The following ETFA variants were observed in gnomAD, a reference collection of about 807,000 sequenced individuals.
ETFA encodes the protein electron transfer flavoprotein subunit alpha, mitochondrial.
ETFA carries 22 observed loss-of-function variants against 46.2 expected under a neutral mutation model. That is an observed-to-expected ratio of 0.48 (90% CI 0.34 to 0.68). ETFA has a LOEUF of 0.68. Among genes scored for constraint, ETFA ranks in the 30% least tolerant of loss-of-function variants. The pLI is 0.01. For missense variants in ETFA, 345 were observed against 401.1 expected, an observed-to-expected ratio of 0.86 and a Z score of 1.19; for synonymous variants, 131 against 139.9, an observed-to-expected ratio of 0.94 and a Z score of 0.45.
intron 10 of ETFA, among the ~76,000 whole-genome samples, chr15:76,226,542 C>A (rs2039006505): frequency 6.6e-6 from 1 of 151,900 alleles, no homozygotes; most frequent in Non-Finnish European, 1.5e-5. Flanking sequence ...AGAGATCACG[C>A]CACTGCACTC....
chr15:76,301,441 T>C (rs980030426), intron 1 of ETFA, among the ~76,000 whole-genome samples: 23 of 152,246 alleles, frequency 1.5e-4, no homozygotes, highest in African/African-American at 5.3e-4. Flanking sequence ...CCAGTCGCAG[T>C]GGCTCACGCC....
At chr15:76,301,804 A>AT (rs2039882609) in intron 1 of ETFA, among the ~76,000 whole-genome samples, 2 of 152,266 alleles carry the variant, frequency 1.3e-5, no homozygotes, top group Admixed American at 1.3e-4. Context: ...GACATATCTG[A>AT]TAAAAGACTT....
rs1184566559 is a variant in ETFA at position 76,231,344 on chromosome 15, T to G, written c.871A>C (p.Lys291Gln). 3 of 1,602,892 alleles carry G rather than the reference T, an allele frequency of 1.9e-6. No individual in the cohort carries two copies. The highest frequency in any genetic ancestry group is 2.6e-6 in the Non-Finnish European group (3 of 1,169,756). Residue 291 changes from lysine to glutamine, a missense_variant, in exon 10 of 12, where the codon AAA becomes CAA. By Grantham distance (53) the Lys-to-Gln change is moderately conservative (BLOSUM62 1). Transcript: ENST00000557943. ...SGAIQHLAGM[K>Q]DSKTIVAINK... ...TGATGTACAATTACCTTGCTGTCTT[T>G]CATCCCAGCTAAATGTTGGATGGCT...
chr15:76,281,445 A>G (rs904341802), intron 8 of ETFA, among the ~76,000 whole-genome samples: 1 of 143,620 alleles, frequency 7.0e-6, no homozygotes, highest in Admixed American at 6.8e-5. Flanking sequence ...TTTTTTTTTG[A>G]GACAGAGTCT....
chr15:76,219,589 T>C (rs1338324147), intron 11 of ETFA, among the ~76,000 whole-genome samples: 3 of 152,242 alleles, frequency 2.0e-5, no homozygotes, highest in African/African-American at 7.2e-5. Flanking sequence ...GATAAGTGTT[T>C]AGTATCCAGA....
intron 9 of ETFA, chr15:76,259,769 C>G: frequency 1.2e-6 from 2 of 1,602,446 alleles, no homozygotes; most frequent in Non-Finnish European, 1.7e-6. Flanking sequence ...GATGAAGTTC[C>G]GAGAGCTCAG....
chr15:76,286,296 C>T (rs998919937), intron 6 of ETFA, 75 bp downstream of exon 6: 3 of 752,850 alleles, frequency 4.0e-6, no homozygotes, highest in Non-Finnish European at 6.8e-6. Context: ...AGGCAGAGGT[C>T]ATCTCTTATT....
intron 9 of ETFA, among the ~76,000 whole-genome samples, chr15:76,233,456 A>G (rs2039091214): frequency 6.8e-6 from 1 of 147,600 alleles, no homozygotes; most frequent in African/African-American, 2.5e-5. Flanking sequence ...CGGCCTCCCG[A>G]GCAGCTGGGA....
chr15:76,240,222 C>G (rs1339317938), intron 9 of ETFA, among the ~76,000 whole-genome samples: 1 of 152,204 alleles, frequency 6.6e-6, no homozygotes, highest in Non-Finnish European at 1.5e-5. Flanking sequence ...GGAAGAAAAG[C>G]AGGGGCCCTT....
At chr15:76,260,401 C>T (rs2039396537) in intron 9 of ETFA, 4 of 1,579,968 alleles carry the variant, frequency 2.5e-6, no homozygotes, top group Non-Finnish European at 3.5e-6. Context: ...GCCGTTAGCA[C>T]ACCAAGGACC....
intron 9 of ETFA, among the ~76,000 whole-genome samples, chr15:76,267,136 T>C (rs540337361): frequency 1.5e-3 from 231 of 152,294 alleles, no homozygotes; most frequent in Non-Finnish European, 2.3e-3. Context: ...CAAGCACAAG[T>C]AGAACGAATT....
At chr15:76,240,072 T>C (rs1230424025) in intron 9 of ETFA, among the ~76,000 whole-genome samples, 1 of 152,248 alleles carries the variant, frequency 6.6e-6, no homozygotes, top group African/African-American at 2.4e-5. Context: ...TGATGTTTCT[T>C]TCTTTTAATT....
chr15:76,283,926 A>C (rs1596217724), intron 7 of ETFA, 101 bp from the exon 8 acceptor site: 4 of 788,522 alleles, frequency 5.1e-6, no homozygotes. Flanking sequence ...ATATTATGTA[A>C]CTGCCATATT....
chr15:76,307,528 C>A (rs1370922395), intron 1 of ETFA, among the ~76,000 whole-genome samples: 2 of 151,760 alleles, frequency 1.3e-5, no homozygotes, highest in East Asian at 3.9e-4. Flanking sequence ...ACTCTGTTGC[C>A]CAGGCCGGAG....
intron 9 of ETFA, among the ~76,000 whole-genome samples, chr15:76,244,598 C>CT (rs1349712142): frequency 6.6e-6 from 1 of 151,316 alleles, no homozygotes; most frequent in Non-Finnish European, 1.5e-5. Context: ...GTCTCATGTT[C>CT]TTTGACATTC....
chr15:76,228,275 C>T, intron 10 of ETFA: 1 of 315,588 alleles, frequency 3.2e-6, no homozygotes, highest in South Asian at 2.8e-5. Context: ...GCCTTGATCT[C>T]CTGGGCTCAA....
chr15:76,241,115 TACATTG>T (rs1305034983), intron 9 of ETFA, among the ~76,000 whole-genome samples: 1 of 152,160 alleles, frequency 6.6e-6, no homozygotes, highest in Non-Finnish European at 1.5e-5. Flanking sequence ...ACAGTTAATT[TACATTG>T]AAATATTTGT....
intron 1 of ETFA, 49 bp from the exon 2 acceptor site, chr15:76,295,786 GTTTTT>G (rs59517673): frequency 1.1e-4 from 118 of 1,102,346 alleles, no homozygotes; most frequent in East Asian, 6.4e-4. Flanking sequence ...TTGTCACAGG[GTTTTT>G]TTTTTTTTTT....
At chr15:76,217,498 A>G (rs1480143880) in intron 11 of ETFA, 2 of 374,392 alleles carry the variant, frequency 5.3e-6, no homozygotes, top group Non-Finnish European at 1.1e-5. Flanking sequence ...GTGCTAATGC[A>G]GTGGCCGGTC....
Sources: allele counts gnomAD v4.1 joint callset (sites outside exome capture counted in the v4.1 genomes callset), GRCh38; gene constraint gnomAD v4.1.1; transcripts MANE v1.5; gene names NCBI Gene and HGNC (gene_info 2026-07-23, HGNC 2026-07-21).